CPB1: variants seen among roughly 807,000 people sequenced by gnomAD.
CPB1 encodes the protein carboxypeptidase B1.
CPB1 carries 53 observed loss-of-function variants against 51.4 expected under a neutral mutation model. That is an observed-to-expected ratio of 1.03 (90% CI 0.83 to 1.30). The LOEUF (loss-of-function observed/expected upper bound fraction) is 1.30. Ranked by LOEUF, CPB1 falls within the 50% of genes most tolerant of loss-of-function variation. The pLI, the probability that CPB1 is intolerant of heterozygous loss-of-function variation, is 0.00. For synonymous variants in CPB1, 189 were observed against 186.9 expected, an observed-to-expected ratio of 1.01 and a Z score of -0.09; for missense variants, 494 against 516.2, an observed-to-expected ratio of 0.96 and a Z score of 0.42.
chr3:148,859,482 T>G (rs1384187486), intron 10 of CPB1, among the ~76,000 whole-genome samples: 1 of 152,204 alleles, frequency 6.6e-6, no homozygotes, highest in Non-Finnish European at 1.5e-5. Flanking sequence ...CATACGGCTT[T>G]CCTTATTTTC....
chr3:148,837,843 G>A (rs554604540), intron 3 of CPB1, among the ~76,000 whole-genome samples: 16 of 152,088 alleles, frequency 1.1e-4, no homozygotes, highest in Middle Eastern at 3.4e-3. Flanking sequence ...ATGCTTCTTT[G>A]TCCTGGATAT....
chr3:148,837,743 A>G (rs1019563495), intron 3 of CPB1, among the ~76,000 whole-genome samples: 4 of 151,882 alleles, frequency 2.6e-5, no homozygotes, highest in Non-Finnish European at 5.9e-5. Flanking sequence ...TCAGCAACAC[A>G]TTTCAACCTC....
chr3:148,841,389 G>T (rs1713076156), intron 5 of CPB1, among the ~76,000 whole-genome samples: 2 of 152,122 alleles, frequency 1.3e-5, no homozygotes, highest in Admixed American at 1.3e-4. Flanking sequence ...TTTTTGTCAC[G>T]TAATTCTAAT....
chr3:148,841,003 A>C, intron 5 of CPB1, 28 bp downstream of exon 5: 2 of 1,560,450 alleles, frequency 1.3e-6, no homozygotes, highest in Non-Finnish European at 1.8e-6. Context: ...TGACCTTGCC[A>C]TGTCTGAGGG....
At position 148,844,537 on chromosome 3, in the gene CPB1, T is replaced by G. The variant is rs1336696762; in HGVS notation, c.636T>G (p.Phe212Leu). Reference sequence around the variant, plus strand: ...CAGAGCTTCTCGACAAGTTAGACTTTTATGTCCTGCCTGTGCTCAATATTG... The same window carrying G: ...CAGAGCTTCTCGACAAGTTAGACTTGTATGTCCTGCCTGTGCTCAATATTG... Reference protein sequence around the residue: ...QVTELLDKLDFYVLPVLNIDG... With the variant: ...QVTELLDKLDLYVLPVLNIDG... The change falls in exon 7 of 11, where the codon TTT (phenylalanine) becomes TTG (leucine). Residue 212 changes from phenylalanine (F) to leucine (L), a missense_variant. Physicochemically the swap from Phe to Leu is conservative, Grantham distance 22 (BLOSUM62 0). Transcript: ENST00000282957. 1 of 1,613,966 alleles carries G rather than the reference T, an allele frequency of 6.2e-7. No individual in the cohort carries two copies. Among genetic ancestry groups the G allele is most frequent in the East Asian group, 2.2e-5 (1 of 44,880 alleles).
At chr3:148,834,897 T>C (rs887677354) in intron 3 of CPB1, among the ~76,000 whole-genome samples, 5 of 152,222 alleles carry the variant, frequency 3.3e-5, no homozygotes, top group African/African-American at 1.2e-4. Context: ...ACAAGCAATG[T>C]ATAGAGTACA....
In CPB1 at chr3:148,845,524, AC is replaced by A; in HGVS notation, c.880del (p.Leu294SerfsTer8). 1 of 1,613,810 alleles carries A rather than the reference AC, an allele frequency of 6.2e-7. No homozygotes were observed. The highest frequency in any genetic ancestry group is 8.5e-7 in the Non-Finnish European group (1 of 1,179,854). On this transcript the variant is annotated frameshift_variant, in exon 9 of 11. Transcript: ENST00000282957. LOFTEE classifies it high-confidence loss of function. ...KALADFIRNKLSSIKAYLTIH... is the reference protein window; with the variant it reads ...KALADFIRNKXSSIKAYLTIH... Reference sequence around the variant, plus strand: ...CCCTGGCTGATTTCATCCGCAACAAACTCTCTTCCATCAAGGCATATCTGAC... The same window carrying A: ...CCCTGGCTGATTTCATCCGCAACAAATCTCTTCCATCAAGGCATATCTGAC...
chr3:148,831,410 T>C (rs1712733477), intron 2 of CPB1, among the ~76,000 whole-genome samples: 2 of 152,194 alleles, frequency 1.3e-5, no homozygotes, highest in Admixed American at 6.5e-5. Context: ...CCAAGATAAA[T>C]GAAAAGTCTA....
intron 2 of CPB1, among the ~76,000 whole-genome samples, chr3:148,829,707 C>A (rs1210472784): frequency 6.6e-6 from 1 of 152,134 alleles, no homozygotes; most frequent in Admixed American, 6.5e-5. Context: ...TGACTTTTAT[C>A]CTTGTCACTG....
At chr3:148,857,800 G>C (rs1464473201) in intron 10 of CPB1, among the ~76,000 whole-genome samples, 1 of 152,122 alleles carries the variant, frequency 6.6e-6, no homozygotes, top group South Asian at 2.1e-4. Flanking sequence ...TCAGGAGGCT[G>C]AAGCGGGAGA....
At position 148,859,825 on chromosome 3, in the gene CPB1, T is replaced by C. The variant is rs754761419; in HGVS notation, c.1077T>C (p.Ala359=). The C allele has an allele frequency of 8.7e-6, 14 of 1,612,968 alleles. No individual in the cohort carries two copies. Among genetic ancestry groups the C allele is most frequent in the Non-Finnish European group, 1.2e-5 (14 of 1,179,442 alleles). ...GPGATTIYPA[A]GGSDDWAYDQ... ...GTTTGCACATTTCAGATCCTGCTGC[T>C]GGGGGCTCTGACGACTGGGCTTATG... The change falls in exon 11 of 11, where the codon GCT becomes GCC. Residue 359 remains alanine, a synonymous_variant. Coordinates refer to ENST00000282957, the MANE Select transcript of CPB1 (RefSeq NM_001871.3).
Position 148,834,581 on chromosome 3 carries a change from C to A in CPB1, c.231C>A (p.Val77=), listed in dbSNP as rs778152033. The change falls in exon 3 of 11, where the codon GTC becomes GTA. Residue 77 remains valine (V), a synonymous_variant. Coordinates refer to ENST00000282957, the MANE Select transcript of CPB1 (RefSeq NM_001871.3). ...TCCGTGTTAAAGCAGAAGATACTGTCACTGTGGAGAATGTTCTAAAGCAGA... is the reference window on the plus strand; with the variant it reads ...TCCGTGTTAAAGCAGAAGATACTGTAACTGTGGAGAATGTTCTAAAGCAGA... ...VDFRVKAEDT[V]TVENVLKQNE... 6.2e-7 allele frequency: 1 copy of A among 1,612,842 alleles called. No homozygotes were observed. Among genetic ancestry groups the A allele is most frequent in the Non-Finnish European group, 8.5e-7 (1 of 1,178,880 alleles).
intron 9 of CPB1, among the ~76,000 whole-genome samples, chr3:148,850,555 G>A (rs1260183073): frequency 6.6e-6 from 1 of 152,176 alleles, no homozygotes; most frequent in East Asian, 1.9e-4. Flanking sequence ...GCCTGCCTCA[G>A]CCTCCCGAAG....
At chr3:148,844,833 A>G (rs9873003) in intron 8 of CPB1, 66 bp downstream of exon 8, 298,566 of 1,359,458 alleles carry the variant, frequency 0.22, 33,830 homozygotes, top group East Asian at 0.29. Flanking sequence ...ATATGAAAAC[A>G]CAACAGTATC....
chr3:148,840,526 G>C (rs1228782816), intron 3 of CPB1, among the ~76,000 whole-genome samples, 160 bp from the exon 4 acceptor site: 1 of 152,130 alleles, frequency 6.6e-6, no homozygotes, highest in African/African-American at 2.4e-5. Context: ...AATCTCTCTG[G>C]AGCAGCTGAA....
chr3:148,857,509 A>AGTACACATATG lies in CPB1; in HGVS notation c.1036_1046dup (p.Pro350ThrfsTer74). The AGTACACATATG allele has an allele frequency of 6.2e-7, 1 of 1,614,034 alleles. No homozygotes were observed. Reference sequence around the variant, plus strand: ...GAACTTGCCTCACTGCACGGCACCAAGTACACATATGGCCCGGGAGCTACA... The same window carrying AGTACACATATG: ...GAACTTGCCTCACTGCACGGCACCAAGTACACATATGGTACACATATGGCCCGGGAGCTACA... On this transcript the variant is annotated frameshift_variant, in exon 10 of 11. Coordinates refer to ENST00000282957, the MANE Select transcript of CPB1 (RefSeq NM_001871.3). LOFTEE classifies it high-confidence loss of function.
Position 148,845,441 on chromosome 3 carries a change from A to C in CPB1, c.796A>C (p.Asn266His). The change falls in exon 9 of 11, where the codon AAC (asparagine) becomes CAC (histidine). Residue 266 changes from asparagine (N) to histidine (H), a missense_variant. Coordinates refer to ENST00000282957, the MANE Select transcript of CPB1 (RefSeq NM_001871.3). The stretch of plus-strand genomic sequence containing the variant: ...TTTTCCAGAAATTGGAGCCTCTCGA[A>C]ACCCCTGTGATGAAACTTACTGTGG... ...AGWCEIGASRNPCDETYCGPA... is the reference protein window; with the variant it reads ...AGWCEIGASRHPCDETYCGPA... 11 of 1,613,878 alleles carry C rather than the reference A, an allele frequency of 6.8e-6. No individual in the cohort carries two copies. The highest frequency in any genetic ancestry group is 9.3e-6 in the Non-Finnish European group (11 of 1,179,816).
chr3:148,844,026 G>T (rs1414175824), intron 6 of CPB1, among the ~76,000 whole-genome samples: 4 of 152,130 alleles, frequency 2.6e-5, no homozygotes, highest in East Asian at 3.8e-4. Context: ...TTATAGAAAA[G>T]AAATACATTT....
At chr3:148,856,547 C>G (rs1190440598) in intron 9 of CPB1, 1 of 152,192 alleles carries the variant, frequency 6.6e-6, no homozygotes, top group African/African-American at 2.4e-5. Flanking sequence ...GGTTTCATAA[C>G]CGGAATGAAT....
Sources: gnomAD v4.1 joint callset for allele counts (sites outside exome capture counted in the v4.1 genomes callset) on GRCh38, gnomAD v4.1.1 for gene constraint, MANE v1.5 for transcripts, NCBI Gene and HGNC (gene_info 2026-07-23, HGNC 2026-07-21) for gene names.